The following TXN2 variants were observed in gnomAD, a reference collection of about 807,000 sequenced individuals.
The protein encoded by TXN2 is thioredoxin, mitochondrial.
A neutral mutation model predicts 14.6 loss-of-function variants in TXN2; 12 were observed. That is an observed-to-expected ratio of 0.82 (90% CI 0.53 to 1.33). The LOEUF (loss-of-function observed/expected upper bound fraction) is 1.33, where lower values mean the gene tolerates loss of function less well. Ranked by LOEUF, TXN2 falls within the 40% of genes most tolerant of loss-of-function variation. The pLI is 0.00. For missense variants in TXN2, 173 were observed against 207.7 expected (o/e 0.83, Z 1.03); for synonymous variants, 89 against 81.0 (o/e 1.10, Z -0.53).
chr22:36,476,993 C>T (rs1168820532), intron 2 of TXN2, 137 bp from the exon 3 acceptor site: 2 of 1,421,266 alleles, frequency 1.4e-6, no homozygotes, highest in Non-Finnish European at 1.9e-6. Context: ...AATTAACACA[C>T]CAAATGGTAA....
rs370187585 is a variant in TXN2 at position 36,467,811 on chromosome 22, A to G, written c.494T>C (p.Ile165Thr). 379 of 1,613,520 alleles carry G rather than the reference A, an allele frequency of 2.3e-4. No homozygotes were observed. Among genetic ancestry groups the G allele is most frequent in the Non-Finnish European group, 3.2e-4 (372 of 1,179,932 alleles). Residue 165 changes from isoleucine to threonine, a missense_variant, in exon 4 of 4, where the codon ATT (isoleucine) becomes ACT (threonine). Transcript: ENST00000216185. The stretch of plus-strand genomic sequence containing the variant: ...AGGACTCATCCCTGCTTGTCAGCCA[A>G]TCAGCTTCTTCAGGAAGGCCTCCAA... ...DQLEAFLKKL[I>T]G
chr22:36,478,307 G>A (rs1352494599), intron 2 of TXN2, among the ~76,000 whole-genome samples: 1 of 152,064 alleles, frequency 6.6e-6, no homozygotes, highest in Non-Finnish European at 1.5e-5. Flanking sequence ...GTGGCACCAA[G>A]GAAAGTGCCT....
At chr22:36,475,278 T>G (rs1185489892) in intron 3 of TXN2, among the ~76,000 whole-genome samples, 1 of 152,182 alleles carries the variant, frequency 6.6e-6, no homozygotes, top group Non-Finnish European at 1.5e-5. Context: ...CTCCGGAGGC[T>G]GGGACAGGAG....
At chr22:36,475,845 T>C (rs183791454) in intron 3 of TXN2, among the ~76,000 whole-genome samples, 37 of 152,294 alleles carry the variant, frequency 2.4e-4, no homozygotes, top group African/African-American at 7.2e-4. Flanking sequence ...CTCCATGTCT[T>C]TGTGCACGCT....
rs183044927 is a variant in TXN2, at chr22:36,474,082, C to T, written c.387+2651G>A. 9.8e-4 allele frequency among the ~76,000 whole-genome samples: 149 copies of T among 152,352 alleles called. 1 individual carries two copies. Among genetic ancestry groups the T allele is most frequent in the African/African-American group, 3.5e-3 (146 of 41,584 alleles). On this transcript the variant is annotated intron_variant, in intron 3 of 3. Coordinates refer to ENST00000216185, the MANE Select transcript of TXN2 (RefSeq NM_012473.4). ...CTGTGGGAGGCCCTAGGAGCCCCAG[C>T]CCGGGCTCTCACCCGAGGCATAGCC... is the stretch of plus-strand genomic sequence containing the variant.
intron 3 of TXN2, 104 bp from the exon 4 acceptor site, chr22:36,468,021 T>C: frequency 1.0e-6 from 1 of 961,184 alleles, no homozygotes; most frequent in East Asian, 2.5e-5. Flanking sequence ...TCCAGGGCAC[T>C]GACTTCCCAA....
chr22:36,476,999 G>T, intron 2 of TXN2, 143 bp from the exon 3 acceptor site: 1 of 1,368,908 alleles, frequency 7.3e-7, no homozygotes, highest in Non-Finnish European at 9.8e-7. Flanking sequence ...CACACCAAAT[G>T]GTAATGCCAG....
chr22:36,476,363 T>C (rs1317808340), intron 3 of TXN2, among the ~76,000 whole-genome samples: 1 of 151,894 alleles, frequency 6.6e-6, no homozygotes, highest in East Asian at 1.9e-4. Flanking sequence ...GAGGCCAAGG[T>C]GGGTGGATCA....
intron 3 of TXN2, among the ~76,000 whole-genome samples, chr22:36,469,280 C>A (rs896819325): frequency 6.6e-6 from 1 of 152,146 alleles, no homozygotes. Context: ...AGCTTAGGAA[C>A]CTGGCATTGT....
At chr22:36,469,784 C>A (rs539556382) in intron 3 of TXN2, among the ~76,000 whole-genome samples, 4 of 152,080 alleles carry the variant, frequency 2.6e-5, no homozygotes, top group Non-Finnish European at 4.4e-5. Context: ...GGTGAAACCC[C>A]GTCTCTACTA....
At chr22:36,470,242 G>T (rs948865564) in intron 3 of TXN2, among the ~76,000 whole-genome samples, 1 of 152,188 alleles carries the variant, frequency 6.6e-6, no homozygotes, top group Non-Finnish European at 1.5e-5. Context: ...GACACTTTGG[G>T]GACAAACACA....
intron 2 of TXN2, among the ~76,000 whole-genome samples, chr22:36,479,882 CT>C (rs113981716): frequency 4.3e-3 from 605 of 139,788 alleles, no homozygotes; most frequent in Middle Eastern, 7.8e-3. Flanking sequence ...ACACCGATAA[CT>C]TTTTTTTTTT....
chr22:36,479,967 A>G (rs184730971), intron 2 of TXN2, among the ~76,000 whole-genome samples: 1 of 150,600 alleles, frequency 6.6e-6, no homozygotes, highest in Non-Finnish European at 1.5e-5. Context: ...CACTACAAAC[A>G]CTACCTCTTA....
In TXN2 at chr22:36,467,929, G is replaced by A. The variant is rs777309952; in HGVS notation, c.388-12C>T. The A allele has an allele frequency of 6.2e-6, 10 of 1,609,670 alleles. No homozygotes were observed. The highest frequency in any genetic ancestry group is 1.7e-4 in the Middle Eastern group (1 of 6,056). ...GGCACCGCTGACACCTGGGTGGAGA[G>A]GACAAGGGGGTCCAAGTGAATTGGG... is the stretch of plus-strand genomic sequence containing the variant. On this transcript the variant is annotated splice_polypyrimidine_tract_variant and intron_variant, in intron 3 of 3. Transcript: ENST00000216185.
At chr22:36,476,192 C>T (rs1161184703) in intron 3 of TXN2, among the ~76,000 whole-genome samples, 1 of 152,080 alleles carries the variant, frequency 6.6e-6, no homozygotes, top group Non-Finnish European at 1.5e-5. Flanking sequence ...AGTGAATGAC[C>T]TGGTGTTTTT....
rs770607514 is a variant in TXN2 at position 36,480,888 on chromosome 22, C to G, written c.1-51G>C. The G allele has an allele frequency of 2.0e-6, 3 of 1,505,716 alleles. No individual in the cohort carries two copies. The South Asian group carries it at 4.1e-5, about 21-fold the overall frequency. The allele number at this position is 1,505,716 out of a possible 1,614,324, so 93.3% of individuals were successfully genotyped here. A position where few individuals can be genotyped will look rare whatever the true frequency, so the allele number is the denominator to read the frequency against. On this transcript the variant is annotated intron_variant, in intron 1 of 3. Transcript: ENST00000216185. Reference sequence around the variant, plus strand: ...TGGGGCACACAAAAGGAAGTCGACACACTAGAAAAAGATTTGGGGAGTACT... The same window carrying G: ...TGGGGCACACAAAAGGAAGTCGACAGACTAGAAAAAGATTTGGGGAGTACT...
intron 2 of TXN2, among the ~76,000 whole-genome samples, chr22:36,477,746 C>A (rs1933415236): frequency 6.6e-6 from 1 of 152,200 alleles, no homozygotes; most frequent in Non-Finnish European, 1.5e-5. Context: ...AAAGAGAACA[C>A]ACCTTCCAAA....
intron 2 of TXN2, among the ~76,000 whole-genome samples, chr22:36,480,009 G>A (rs551984123): frequency 2.6e-5 from 4 of 151,412 alleles, no homozygotes; most frequent in African/African-American, 7.3e-5. Context: ...TCAGCCTCCC[G>A]AGTAGCTGGG....
At chr22:36,478,997 C>G (rs1453661169) in intron 2 of TXN2, among the ~76,000 whole-genome samples, 1 of 152,054 alleles carries the variant, frequency 6.6e-6, no homozygotes. Context: ...CGCAGTGGTT[C>G]ATGCCTGTAA....
Sources: gnomAD v4.1 joint callset for allele counts (sites outside exome capture counted in the v4.1 genomes callset) on GRCh38, gnomAD v4.1.1 for gene constraint, MANE v1.5 for transcripts, NCBI Gene and HGNC (gene_info 2026-07-23, HGNC 2026-07-21) for gene names.